The following STK32B variants were observed in gnomAD, a reference collection of about 807,000 sequenced individuals.
The protein encoded by STK32B is serine/threonine kinase 32B.
A neutral mutation model predicts 52.6 loss-of-function variants in STK32B; 43 were observed. The observed-to-expected ratio is 0.82, with a 90% CI of 0.64 to 1.05. The LOEUF (loss-of-function observed/expected upper bound fraction) is 1.05. Ranked by LOEUF, STK32B falls within the 50% of genes least tolerant of loss-of-function variation. The probability of loss-of-function intolerance (pLI) is 0.00; values close to 1 mark genes in which losing one functional copy is unlikely to be tolerated. For synonymous variants in STK32B, 238 were observed against 204.3 expected, an observed-to-expected ratio of 1.17 and a Z score of -1.41; for missense variants, 621 against 534.6, an observed-to-expected ratio of 1.16 and a Z score of -1.59.
At chr4:5,376,499 C>T (rs985786625) in intron 4 of STK32B, among the ~76,000 whole-genome samples, 1 of 152,092 alleles carries the variant, frequency 6.6e-6, no homozygotes, top group Admixed American at 6.5e-5. Context: ...AGAGGATCCG[C>T]TCAGAGCACT....
intron 11 of STK32B, among the ~76,000 whole-genome samples, chr4:5,489,621 A>ATTTTTTTTTTTTTTTTTTTTTTT (rs1193462359): frequency 6.6e-6 from 1 of 151,590 alleles, no homozygotes; most frequent in East Asian, 2.0e-4. Context: ...TATTTTATTT[A>ATTTTTTTTTTTTTTTTTTTTTTT]TTTTTTATTA....
chr4:5,062,600 C>A (rs11722174), intron 1 of STK32B, among the ~76,000 whole-genome samples: 52,639 of 151,958 alleles, frequency 0.35, 9,953 homozygotes, highest in Middle Eastern at 0.47. Context: ...GCTCCGCCTC[C>A]CAGGTTCACG....
chr4:5,297,368 G>T (rs1729270199), intron 3 of STK32B, among the ~76,000 whole-genome samples: 1 of 152,034 alleles, frequency 6.6e-6, no homozygotes, highest in Admixed American at 6.6e-5. Flanking sequence ...AACCTGAAGT[G>T]TGTTTTCCAA....
chr4:5,441,577 G>T (rs552979678), intron 6 of STK32B, among the ~76,000 whole-genome samples: 1,528 of 151,248 alleles, frequency 0.01, 19 homozygotes, highest in African/African-American at 0.035. Context: ...TTAATTTTTT[G>T]AAGGGTTTTT....
At chr4:5,087,328 A>G (rs1712787825) in intron 1 of STK32B, among the ~76,000 whole-genome samples, 1 of 152,020 alleles carries the variant, frequency 6.6e-6, no homozygotes. Context: ...AAAAGAAATT[A>G]CTAATGGTAC....
intron 1 of STK32B, among the ~76,000 whole-genome samples, chr4:5,077,030 C>T (rs186528373): frequency 1.2e-4 from 19 of 152,150 alleles, no homozygotes; most frequent in African/African-American, 2.9e-4. Flanking sequence ...TCTGGACAGA[C>T]GATGCTTTTA....
chr4:5,222,224 C>T (rs1438086232), intron 3 of STK32B, among the ~76,000 whole-genome samples: 1 of 152,080 alleles, frequency 6.6e-6, no homozygotes, highest in Non-Finnish European at 1.5e-5. Context: ...ACAAACAGAC[C>T]AAGACAGAAA....
chr4:5,485,549 G>T (rs1404612912), intron 11 of STK32B, among the ~76,000 whole-genome samples: 4 of 152,010 alleles, frequency 2.6e-5, no homozygotes, highest in Non-Finnish European at 4.4e-5. Flanking sequence ...CCTTTAGCTC[G>T]GAGTTGTTTG....
At chr4:5,205,721 T>C (rs1258260910) in intron 3 of STK32B, among the ~76,000 whole-genome samples, 4 of 149,050 alleles carry the variant, frequency 2.7e-5, no homozygotes, top group South Asian at 2.1e-4. Context: ...TGTGTGTGTG[T>C]GTGTGTGTGT....
At chr4:5,079,642 G>C (rs2108774102) in intron 1 of STK32B, among the ~76,000 whole-genome samples, 1 of 152,210 alleles carries the variant, frequency 6.6e-6, no homozygotes. Flanking sequence ...GAGAGGCCTA[G>C]GTCAAAATTT....
intron 3 of STK32B, among the ~76,000 whole-genome samples, chr4:5,193,940 C>T (rs545540937): frequency 6.6e-6 from 1 of 152,324 alleles, no homozygotes; most frequent in East Asian, 1.9e-4. Flanking sequence ...ACTCCGCTGT[C>T]TTGGCAGGGC....
At chr4:5,033,748 C>T in the STK32B span, among the ~76,000 whole-genome samples, 2 of 152,124 alleles carry the variant, frequency 1.3e-5, no homozygotes, top group Non-Finnish European at 2.9e-5. Context: ...AGAAGAAAAC[C>T]TCCAGATTAT....
intron 3 of STK32B, among the ~76,000 whole-genome samples, chr4:5,296,949 A>T (rs1312141174): frequency 6.6e-6 from 1 of 152,118 alleles, no homozygotes; most frequent in African/African-American, 2.4e-5. Context: ...TGCTTCCTTC[A>T]GGAGCTCTTG....
chr4:5,230,636 G>T (rs952332064), intron 3 of STK32B, among the ~76,000 whole-genome samples: 3 of 152,160 alleles, frequency 2.0e-5, no homozygotes, highest in African/African-American at 7.2e-5. Flanking sequence ...GGAAAGGTCT[G>T]GGACAGCCCC....
intron 3 of STK32B, among the ~76,000 whole-genome samples, chr4:5,217,711 G>A (rs1452063515): frequency 6.6e-6 from 1 of 152,156 alleles, no homozygotes; most frequent in African/African-American, 2.4e-5. Context: ...TGTCTCTTAA[G>A]TCTAATGTCT....
intron 3 of STK32B, among the ~76,000 whole-genome samples, chr4:5,212,411 T>C (rs1382714136): frequency 6.6e-6 from 1 of 152,180 alleles, no homozygotes; most frequent in African/African-American, 2.4e-5. Flanking sequence ...ACTGTCAGCC[T>C]TTTAAAGAGC....
At chr4:5,197,674 C>G (rs1197255578) in intron 3 of STK32B, among the ~76,000 whole-genome samples, 1 of 152,222 alleles carries the variant, frequency 6.6e-6, no homozygotes, top group Non-Finnish European at 1.5e-5. Flanking sequence ...GCTTTTGCAA[C>G]AGTTATACCT....
At chr4:5,214,629 A>C (rs1328717362) in intron 3 of STK32B, among the ~76,000 whole-genome samples, 1 of 152,214 alleles carries the variant, frequency 6.6e-6, no homozygotes, top group Non-Finnish European at 1.5e-5. Context: ...AATTATTACA[A>C]TTTGATAATA....
chr4:5,021,931 G>T, the STK32B span, among the ~76,000 whole-genome samples: 2 of 152,248 alleles, frequency 1.3e-5, no homozygotes, highest in Middle Eastern at 3.4e-3. Flanking sequence ...AGGTGCAAGA[G>T]AATCGCCACC....
Sources: gnomAD v4.1 joint callset for allele counts (sites outside exome capture counted in the v4.1 genomes callset) on GRCh38, gnomAD v4.1.1 for gene constraint, MANE v1.5 for transcripts, NCBI Gene and HGNC (gene_info 2026-07-23, HGNC 2026-07-21) for gene names.